Variants in PCDH15 observed in about 807,000 individuals in gnomAD.
The protein encoded by PCDH15 is protocadherin-15.
Under a neutral mutation model 178.5 loss-of-function variants are expected in PCDH15, and 129 were observed. The observed-to-expected ratio is 0.72, with a 90% CI of 0.63 to 0.84. The LOEUF is 0.84. Among genes scored for constraint, PCDH15 ranks in the 40% least tolerant of loss-of-function variants. The pLI, the probability that PCDH15 is intolerant of heterozygous loss-of-function variation, is 0.00. For synonymous variants in PCDH15, 800 were observed against 732.0 expected, an observed-to-expected ratio of 1.09 and a Z score of -1.50; for missense variants, 2,230 against 2,099.9, an observed-to-expected ratio of 1.06 and a Z score of -1.21.
At chr10:55,195,385 G>C (rs1177060119) in intron 1 of PCDH15, among the ~76,000 whole-genome samples, 1 of 150,806 alleles carries the variant, frequency 6.6e-6, no homozygotes, top group Non-Finnish European at 1.5e-5. Flanking sequence ...ATTCACGCCT[G>C]TAATCCCATC....
At chr10:55,300,944 A>G (rs1166952611) in intron 1 of PCDH15, among the ~76,000 whole-genome samples, 1 of 152,208 alleles carries the variant, frequency 6.6e-6, no homozygotes, top group Admixed American at 6.5e-5. Context: ...AATATCTCTC[A>G]TGGTGCCCTT....
intron 1 of PCDH15, among the ~76,000 whole-genome samples, chr10:55,300,548 G>A (rs867718321): frequency 1.3e-5 from 2 of 152,018 alleles, no homozygotes; most frequent in Admixed American, 6.6e-5. Flanking sequence ...CAAAAAATCA[G>A]CACATTAAAA....
At chr10:54,230,836 TA>T (rs1410986030) in intron 9 of PCDH15, among the ~76,000 whole-genome samples, 1 of 152,194 alleles carries the variant, frequency 6.6e-6, no homozygotes, top group African/African-American at 2.4e-5. Context: ...ATCTATATGA[TA>T]TTTAATACAT....
chr10:54,376,100 G>A (rs1461032402), intron 4 of PCDH15, among the ~76,000 whole-genome samples: 2 of 151,018 alleles, frequency 1.3e-5, no homozygotes, highest in African/African-American at 4.8e-5. Flanking sequence ...TCACCGTGTT[G>A]GCCAGGCTGG....
At chr10:54,002,846 G>C (rs577568452) in intron 20 of PCDH15, among the ~76,000 whole-genome samples, 1 of 152,090 alleles carries the variant, frequency 6.6e-6, no homozygotes, top group African/African-American at 2.4e-5. Flanking sequence ...AGAAAGAAAG[G>C]GGAGGGGGTA....
At chr10:54,152,701 T>C (rs956018114) in intron 14 of PCDH15, among the ~76,000 whole-genome samples, 3 of 152,074 alleles carry the variant, frequency 2.0e-5, no homozygotes, top group African/African-American at 7.2e-5. Flanking sequence ...TGTGTGTGTG[T>C]GTGTCTGTGT....
intron 2 of PCDH15, among the ~76,000 whole-genome samples, chr10:54,543,691 A>G (rs2085519119): frequency 6.6e-6 from 1 of 152,050 alleles, no homozygotes; most frequent in African/African-American, 2.4e-5. Flanking sequence ...TAGCCAGGGG[A>G]AAAAAAATCA....
rs569823150 is a variant in PCDH15, at chr10:54,030,637, A to G, written c.2221-7440T>C. ...GAAATCTAGTCCCTAGAAAACACAT[A>G]TTTAACACAAATAATTTCTCAAGGG... On this transcript the variant is annotated intron_variant, in intron 18 of 37. Coordinates refer to ENST00000644397, the MANE Select transcript of PCDH15 (RefSeq NM_001384140.1). 3.9e-5 allele frequency among the ~76,000 whole-genome samples: 6 copies of G among 152,162 alleles called. No individual in the cohort carries two copies. The East Asian group carries it at 5.8e-4, about 15-fold the overall frequency.
In PCDH15 at chr10:53,899,826, G is replaced by A. The variant is rs1407552278; in HGVS notation, c.3501+3417C>T. On this transcript the variant is annotated intron_variant, in intron 26 of 37. Coordinates refer to ENST00000644397, the MANE Select transcript of PCDH15 (RefSeq NM_001384140.1). ...CATGCTCTGATTAAATTCTGGAAAG[G>A]AGATTTCAGGCTTCAAGGCTAAAGG... 3.3e-5 allele frequency among the ~76,000 whole-genome samples: 5 copies of A among 152,278 alleles called. No homozygotes were observed. The East Asian group carries it at 9.7e-4, about 29-fold the overall frequency.
At chr10:55,572,235 A>C (rs934602776) in intron 2 of PCDH15, among the ~76,000 whole-genome samples, 3 of 151,844 alleles carry the variant, frequency 2.0e-5, no homozygotes, top group African/African-American at 7.2e-5. Context: ...TATTTAAAGT[A>C]ATATTCATAA....
chr10:55,017,087 A>G (rs537170145), intron 2 of PCDH15, among the ~76,000 whole-genome samples: 2 of 152,048 alleles, frequency 1.3e-5, no homozygotes, highest in East Asian at 1.9e-4. Flanking sequence ...GGAAATAGAG[A>G]CCCCAACTTT....
At chr10:54,453,873 C>G (rs954586689) in intron 3 of PCDH15, among the ~76,000 whole-genome samples, 1 of 151,854 alleles carries the variant, frequency 6.6e-6, no homozygotes, top group Non-Finnish European at 1.5e-5. Context: ...AGAGGAAGCA[C>G]CTTCTAACCT....
chr10:55,082,019 C>T (rs1287907392), intron 2 of PCDH15, among the ~76,000 whole-genome samples: 1 of 152,032 alleles, frequency 6.6e-6, no homozygotes, highest in South Asian at 2.1e-4. Context: ...ACAGGTTATC[C>T]AGACAGAAAA....
At chr10:54,693,193 T>C (rs1019907229) in intron 1 of PCDH15, among the ~76,000 whole-genome samples, 3 of 152,130 alleles carry the variant, frequency 2.0e-5, no homozygotes, top group Admixed American at 2.0e-4. Flanking sequence ...CTTAGGATGA[T>C]ATTTCTCCTT....
intron 1 of PCDH15, among the ~76,000 whole-genome samples, chr10:54,671,190 C>T (rs555960977): frequency 1.1e-4 from 16 of 151,992 alleles, no homozygotes; most frequent in African/African-American, 3.4e-4. Flanking sequence ...CTCAAGCAAA[C>T]GCATGCATCA....
Position 54,195,716 on chromosome 10 carries a change from T to C in PCDH15, c.1272A>G (p.Leu424=), listed in dbSNP as rs1027213784. The change falls in exon 11 of 38, where the codon TTA becomes TTG. Residue 424 remains leucine, a synonymous_variant. Transcript: ENST00000644397. The part of the protein sequence containing the change: ...ISDSLNLTSP[L]RIVALDKDIE... ...TGTCCTTGTCCAGAGCTACTATTCT[T>C]AAAGGTGAAGTCAAATTGAGACTGT... is the stretch of plus-strand genomic sequence containing the variant. 6.2e-6 allele frequency: 10 copies of C among 1,613,948 alleles called. No homozygotes were observed. Among genetic ancestry groups the C allele is most frequent in the African/African-American group, 1.3e-5 (1 of 74,910 alleles).
chr10:55,375,230 C>T (rs1045182395), intron 2 of PCDH15, among the ~76,000 whole-genome samples: 3 of 152,042 alleles, frequency 2.0e-5, no homozygotes, highest in African/African-American at 4.8e-5. Context: ...GGCTGCTTTC[C>T]GGTGAGTGTT....
chr10:54,465,573 C>A (rs992859824), intron 3 of PCDH15, among the ~76,000 whole-genome samples: 2 of 152,036 alleles, frequency 1.3e-5, no homozygotes, highest in African/African-American at 4.8e-5. Flanking sequence ...AGTGTTATTT[C>A]ATGCATTTTT....
chr10:55,480,552 A>G (rs901122085), intron 2 of PCDH15, among the ~76,000 whole-genome samples: 13 of 151,432 alleles, frequency 8.6e-5, no homozygotes, highest in Non-Finnish European at 1.3e-4. Context: ...GTGATGCTGA[A>G]TTTTATCAAA....
Sources: allele counts gnomAD v4.1 joint callset (sites outside exome capture counted in the v4.1 genomes callset), GRCh38; gene constraint gnomAD v4.1.1; transcripts MANE v1.5; gene names NCBI Gene and HGNC (gene_info 2026-07-23, HGNC 2026-07-21).